The following RGP1 variants were observed in gnomAD, a reference collection of about 807,000 sequenced individuals.
RGP1 encodes the protein RAB6A-GEF complex partner protein 2.
Under a neutral mutation model 44.5 loss-of-function variants are expected in RGP1, and 28 were observed. That is an observed-to-expected ratio of 0.63 (90% CI 0.47 to 0.86). The LOEUF (loss-of-function observed/expected upper bound fraction) is 0.86. Ranked by LOEUF, RGP1 falls within the 40% of genes least tolerant of loss-of-function variation. The pLI, the probability that RGP1 is intolerant of heterozygous loss-of-function variation, is 0.00. For synonymous variants in RGP1, 212 were observed against 196.7 expected (o/e 1.08, Z -0.65); for missense variants, 417 against 490.7 (o/e 0.85, Z 1.42).
chr9:35,768,273 G>C, the RGP1 span, among the ~76,000 whole-genome samples: 2 of 151,678 alleles, frequency 1.3e-5, no homozygotes, highest in South Asian at 2.1e-4. Context: ...TGATGCCCAG[G>C]CTGGTCTTGA....
At chr9:35,751,590 T>C (rs977873044) in intron 6 of RGP1, 37 bp from the exon 7 acceptor site, 21 of 1,613,574 alleles carry the variant, frequency 1.3e-5, no homozygotes, top group Non-Finnish European at 1.7e-5. Flanking sequence ...TTATCCAGTA[T>C]GTAGACTCCA....
the RGP1 span, among the ~76,000 whole-genome samples, chr9:35,766,470 G>A: frequency 6.6e-6 from 1 of 152,238 alleles, no homozygotes; most frequent in African/African-American, 2.4e-5. Context: ...AGGAGCAGAA[G>A]TTTTAAATTT....
chr9:35,753,056 T>C lies in RGP1; in HGVS notation c.*182T>C, dbSNP rs1478112378. On this transcript the variant is annotated 3_prime_UTR_variant, in exon 9 of 9. Transcript: ENST00000378078. The surrounding 1 kb of genome is among the most constrained non-coding windows in gnomAD (Gnocchi z 4.2). ...CAGCTGCTAGTGGTTTCCCTGGAAG[T>C]GGCAGCAGCAGTGAGCAGTCAGCAG... 6.3e-7 allele frequency: 1 copy of C among 1,599,484 alleles called. No homozygotes were observed. The highest frequency in any genetic ancestry group is 2.2e-5 in the East Asian group (1 of 44,676).
chr9:35,780,483 A>T, the RGP1 span: 1 of 152,246 alleles, frequency 6.6e-6, no homozygotes, highest in Non-Finnish European at 1.5e-5. Context: ...CTCAATGCTC[A>T]ACAGATAAGT....
the RGP1 span, among the ~76,000 whole-genome samples, chr9:35,785,712 G>A: frequency 5.9e-5 from 9 of 152,236 alleles, no homozygotes; most frequent in South Asian, 2.1e-4. Context: ...AGATGGCGCC[G>A]GGGTTCACGG....
In RGP1 at chr9:35,758,449, C is replaced by T. The variant is rs374328088; in HGVS notation, c.*5575C>T. On this transcript the variant is annotated 3_prime_UTR_variant, in exon 9 of 9. Transcript: ENST00000378078. ...TGGTATTTTGTACTTGTCTCAGAGACGAATTCTGCCATGATCCTTATGATC... is the reference window on the plus strand; with the variant it reads ...TGGTATTTTGTACTTGTCTCAGAGATGAATTCTGCCATGATCCTTATGATC... The T allele has an allele frequency of 4.9e-4, 75 of 152,204 alleles. No homozygotes were observed. Among genetic ancestry groups the T allele is most frequent in the African/African-American group, 1.7e-3 (69 of 41,520 alleles). The allele number at this position is 152,204 out of a possible 1,614,324, so 9.4% of individuals were successfully genotyped here.
rs1827379958 is a variant in RGP1, at chr9:35,757,780, G to A, written c.*4906G>A. On this transcript the variant is annotated 3_prime_UTR_variant, in exon 9 of 9. Transcript: ENST00000378078. ...GTGTAACGGATGGCTTAAAAGCAAG[G>A]TTGTCTGCGTCTTGGATTACTGTCT... 6.6e-6 allele frequency: 1 copy of A among 152,160 alleles called. No individual in the cohort carries two copies. The highest frequency in any genetic ancestry group is 6.5e-5 in the Admixed American group (1 of 15,276). 9.4% of individuals were successfully genotyped at this position (152,160 alleles called of 1,614,324 possible).
the RGP1 span, among the ~76,000 whole-genome samples, chr9:35,766,077 A>G: frequency 1.0e-4 from 14 of 136,458 alleles, no homozygotes; most frequent in South Asian, 4.8e-4. Context: ...TGATCTGCCC[A>G]CCTCGGCCTC....
downstream of RGP1, among the ~76,000 whole-genome samples, chr9:35,762,852 A>C (rs189682345): frequency 6.6e-3 from 997 of 151,828 alleles, 18 homozygotes; most frequent in African/African-American, 0.022. Flanking sequence ...AAAAAAAAAA[A>C]CAGTTCTGCT....
chr9:35,753,304 G>T lies in RGP1; in HGVS notation c.*430G>T. The T allele has an allele frequency of 6.2e-7, 1 of 1,609,436 alleles. No homozygotes were observed. On this transcript the variant is annotated 3_prime_UTR_variant, in exon 9 of 9. Coordinates refer to ENST00000378078, the MANE Select transcript of RGP1 (RefSeq NM_001080496.3). The surrounding 1 kb of genome is among the most constrained non-coding windows in gnomAD (Gnocchi z 4.2). ...ACCTGGGGAACCAAGGATAGGGGAA[G>T]GAGTCAGCACAGTGAAAGGCTGCCT...
the RGP1 span, chr9:35,772,505 T>C: frequency 6.6e-6 from 1 of 152,212 alleles, no homozygotes; most frequent in Non-Finnish European, 1.5e-5. Flanking sequence ...AAAAATTTTA[T>C]ACTAGAGGCC....
chr9:35,761,991 A>G (rs1186178111), downstream of RGP1, among the ~76,000 whole-genome samples: 1 of 152,112 alleles, frequency 6.6e-6, no homozygotes, highest in Non-Finnish European at 1.5e-5. Flanking sequence ...CCCCATCTCT[A>G]CCAAAAATAC....
the RGP1 span, among the ~76,000 whole-genome samples, chr9:35,784,625 G>T: frequency 6.6e-6 from 1 of 151,986 alleles, no homozygotes; most frequent in African/African-American, 2.4e-5. Flanking sequence ...GGTAATTTTT[G>T]TATTTTTAGT....
chr9:35,790,355 A>T, the RGP1 span: 1 of 153,790 alleles, frequency 6.5e-6, no homozygotes, highest in Non-Finnish European at 1.5e-5. Flanking sequence ...GGGCTGTATC[A>T]TTCGGCTTTC....
the RGP1 span, among the ~76,000 whole-genome samples, chr9:35,783,754 G>T: frequency 6.6e-6 from 1 of 152,174 alleles, no homozygotes; most frequent in African/African-American, 2.4e-5. Flanking sequence ...AATAAACATG[G>T]AAGTGCAGAC....
At position 35,752,667 on chromosome 9, in the gene RGP1, A is replaced by G. The variant is rs765690290; in HGVS notation, c.969A>G (p.Arg323=). ...FCTAIVSLKW[R]LHFEFVTSRE... The stretch of plus-strand genomic sequence containing the variant: ...CTTCCATAGTGTCCTTGAAGTGGAG[A>G]TTGCATTTTGAATTTGTAACGTCCC... The change falls in exon 9 of 9, where the codon AGA becomes AGG. Residue 323 remains arginine (R), a synonymous_variant. Transcript: ENST00000378078. 6.2e-7 allele frequency: 1 copy of G among 1,611,406 alleles called. No homozygotes were observed. The highest frequency in any genetic ancestry group is 2.2e-5 in the East Asian group (1 of 44,848).
chr9:35,753,169 T>G lies in RGP1; in HGVS notation c.*295T>G. The G allele has an allele frequency of 1.2e-6, 2 of 1,614,060 alleles. No individual in the cohort carries two copies. Among genetic ancestry groups the G allele is most frequent in the Non-Finnish European group, 1.7e-6 (2 of 1,179,996 alleles). On this transcript the variant is annotated 3_prime_UTR_variant, in exon 9 of 9. Transcript: ENST00000378078. The surrounding 1 kb of genome is among the most constrained non-coding windows in gnomAD (Gnocchi z 4.2). ...CTGAGCCCCATTCTGGGTCAGGCCC[T>G]CCCCCTTTGCAGGGCAGCCGAGGGT... is the stretch of plus-strand genomic sequence containing the variant.
Position 35,756,319 on chromosome 9 carries a change from C to G in RGP1, c.*3445C>G, listed in dbSNP as rs1185328847. 6.6e-6 allele frequency: 1 copy of G among 152,308 alleles called. No homozygotes were observed. The highest frequency in any genetic ancestry group is 2.4e-5 in the African/African-American group (1 of 41,440). The allele number at this position is 152,308 out of a possible 1,614,324, so 9.4% of individuals were successfully genotyped here. On this transcript the variant is annotated 3_prime_UTR_variant, in exon 9 of 9. Transcript: ENST00000378078. ...CTGGCTGACTTTTCAAGGGGGACCACCCTACCTGTCATCTCTTCACTGTTC... is the reference window on the plus strand; with the variant it reads ...CTGGCTGACTTTTCAAGGGGGACCAGCCTACCTGTCATCTCTTCACTGTTC...
the RGP1 span, among the ~76,000 whole-genome samples, chr9:35,787,731 G>T: frequency 6.6e-6 from 1 of 152,192 alleles, no homozygotes; most frequent in Non-Finnish European, 1.5e-5. Context: ...GTCTCTATTT[G>T]CTTTCTATAT....
Sources: gnomAD v4.1 joint callset for allele counts (sites outside exome capture counted in the v4.1 genomes callset) on GRCh38, gnomAD v4.1.1 for gene constraint, Gnocchi (gnomAD v3.1) non-coding constraint, MANE v1.5 for transcripts, NCBI Gene and HGNC (gene_info 2026-07-23, HGNC 2026-07-21) for gene names.